Variants in KCNK10 observed in about 807,000 individuals in gnomAD.
The protein encoded by KCNK10 is potassium two pore domain channel subfamily K member 10.
Under a neutral mutation model 47.7 loss-of-function variants are expected in KCNK10, and 25 were observed. That is an observed-to-expected ratio of 0.52 (90% confidence interval 0.38 to 0.73). The LOEUF (loss-of-function observed/expected upper bound fraction) is 0.73, where lower values mean the gene tolerates loss of function less well. Among genes scored for constraint, KCNK10 ranks in the 30% least tolerant of loss-of-function variants. The pLI is 0.00. For missense variants in KCNK10, 563 were observed against 714.5 expected (o/e 0.79, Z 2.42); for synonymous variants, 303 against 285.6 (o/e 1.06, Z -0.61).
At position 88,185,836 on chromosome 14, in the gene KCNK10, G is replaced by A. The variant is rs774640874; in HGVS notation, c.1331C>T (p.Ser444Phe). 47 of 1,614,168 alleles carry A rather than the reference G, an allele frequency of 2.9e-5. No homozygotes were observed. Among genetic ancestry groups the A allele is most frequent in the Non-Finnish European group, 4.0e-5 (47 of 1,180,038 alleles). ...GAACTTGTTGATGATGTTGTCCTCG[G>A]ACGCACCCTGCCCATGCTTGTTCAG... ...EQLNKHGQGASEDNIINKFGS... is the reference protein window; with the variant it reads ...EQLNKHGQGAFEDNIINKFGS... The change falls in exon 7 of 7, where the codon TCC becomes TTC. Residue 444 changes from serine to phenylalanine, a missense_variant. Physicochemically the swap from Ser to Phe is radical, Grantham distance 155. Coordinates refer to ENST00000319231, the MANE Select transcript of KCNK10 (RefSeq NM_138317.3). This position sits in a 1 kb window ranked among gnomAD's most constrained non-coding sequence, Gnocchi z 4.3.
chr14:88,270,365 A>C (rs1887374114), intron 1 of KCNK10, among the ~76,000 whole-genome samples: 1 of 151,424 alleles, frequency 6.6e-6, no homozygotes, highest in Admixed American at 6.6e-5. Context: ...CTCTGGTTCC[A>C]GATACCCAAA....
At chr14:88,266,457 G>A (rs964299786) in intron 1 of KCNK10, among the ~76,000 whole-genome samples, 3 of 152,130 alleles carry the variant, frequency 2.0e-5, no homozygotes, top group Non-Finnish European at 2.9e-5. Context: ...TTCCAGGCAG[G>A]CCCAGCGTGC....
At chr14:88,317,683 C>T (rs910247439) in intron 1 of KCNK10, among the ~76,000 whole-genome samples, 12 of 152,200 alleles carry the variant, frequency 7.9e-5, no homozygotes, top group African/African-American at 2.9e-4. Flanking sequence ...ATCATTTATC[C>T]TTTCTACATC....
chr14:88,294,985 T>C (rs745509155), intron 1 of KCNK10, among the ~76,000 whole-genome samples: 14 of 152,350 alleles, frequency 9.2e-5, no homozygotes, highest in Middle Eastern at 3.4e-3. Context: ...CATCTATTTG[T>C]TCTTATACTG....
At chr14:88,320,268 G>T (rs1371800600) in intron 1 of KCNK10, among the ~76,000 whole-genome samples, 1 of 152,178 alleles carries the variant, frequency 6.6e-6, no homozygotes, top group South Asian at 2.1e-4. Flanking sequence ...TTTTATTGAG[G>T]TTTTTTTCAT....
chr14:88,203,652 T>C (rs1885172572), intron 4 of KCNK10, among the ~76,000 whole-genome samples: 1 of 152,228 alleles, frequency 6.6e-6, no homozygotes, highest in Non-Finnish European at 1.5e-5. Flanking sequence ...TTCCTGAGAA[T>C]CTAGTGTTAC....
At chr14:88,323,271 G>A (rs1190575245), upstream of KCNK10, 13 of 985,978 alleles carry the variant, frequency 1.3e-5, no homozygotes, top group Non-Finnish European at 1.3e-5. Flanking sequence ...CGCGCGCTTG[G>A]GCGGGCACGT....
chr14:88,227,505 C>T lies in KCNK10; in HGVS notation c.551G>A (p.Gly184Glu). 6.2e-7 allele frequency: 1 copy of T among 1,611,934 alleles called. No individual in the cohort carries two copies. The highest frequency in any genetic ancestry group is 8.5e-7 in the Non-Finnish European group (1 of 1,179,282). The change falls in exon 4 of 7, where the codon GGA becomes GAA. Residue 184 changes from glycine (G) to glutamate (E), a missense_variant. Coordinates refer to ENST00000319231, the MANE Select transcript of KCNK10 (RefSeq NM_138317.3). ...GYGNIAPSTE[G>E]GKIFCILYAI... The stretch of plus-strand genomic sequence containing the variant: ...ATATAAAATACAAAAGATTTTGCCT[C>T]CTTCAGTGCTCGGAGCAATATTCCC...
chr14:88,323,083 A>T lies in KCNK10; in HGVS notation c.-285T>A. 5 of 1,260,598 alleles carry T rather than the reference A, an allele frequency of 4.0e-6. No individual in the cohort carries two copies. The allele number at this position is 1,260,598 out of a possible 1,614,324, so 78.1% of individuals were successfully genotyped here. A position where few individuals can be genotyped will look rare whatever the true frequency, so the allele number is the denominator to read the frequency against. On this transcript the variant is annotated 5_prime_UTR_variant, in exon 1 of 7. Transcript: ENST00000319231. ...GCGAGGGGTGGATGAAAGGATGGAG[A>T]GGAAGGCTTGGGGAGATGGAAGAGC...
chr14:88,223,833 G>T (rs1885898597), intron 4 of KCNK10, among the ~76,000 whole-genome samples: 2 of 151,904 alleles, frequency 1.3e-5, no homozygotes, highest in African/African-American at 4.8e-5. Flanking sequence ...TTCACTTTTG[G>T]TTCTTTCTTT....
intron 1 of KCNK10, among the ~76,000 whole-genome samples, chr14:88,289,836 T>A (rs1384226333): frequency 6.6e-6 from 1 of 152,218 alleles, no homozygotes; most frequent in African/African-American, 2.4e-5. Flanking sequence ...TCACTTGAAG[T>A]GCCTGGCACA....
chr14:88,280,745 T>C (rs1045818744), intron 1 of KCNK10, among the ~76,000 whole-genome samples: 1 of 152,106 alleles, frequency 6.6e-6, no homozygotes, highest in African/African-American at 2.4e-5. Flanking sequence ...ACCGCCAAAA[T>C]AGACCTGCAA....
At chr14:88,259,062 A>G (rs908004440) in intron 2 of KCNK10, among the ~76,000 whole-genome samples, 2 of 152,236 alleles carry the variant, frequency 1.3e-5, no homozygotes, top group Non-Finnish European at 2.9e-5. Context: ...CAATAGTACT[A>G]TCTTTCCAAC....
At chr14:88,288,533 T>C (rs768667864) in intron 1 of KCNK10, among the ~76,000 whole-genome samples, 11 of 152,218 alleles carry the variant, frequency 7.2e-5, no homozygotes, top group Admixed American at 1.3e-4. Flanking sequence ...TTAGCCATTG[T>C]TGTTTCTGCA....
intron 1 of KCNK10, chr14:88,270,809 T>C (rs751249403): frequency 1.4e-5 from 11 of 780,934 alleles, no homozygotes; most frequent in East Asian, 2.4e-5. Flanking sequence ...ATGTACATGG[T>C]GTGTCACTCT....
chr14:88,185,703 C>G lies in KCNK10; in HGVS notation c.1464G>C (p.Glu488Asp), dbSNP rs780331390. Residue 488 changes from glutamate (E) to aspartate (D), a missense_variant, in exon 7 of 7, where the codon GAG (glutamate) becomes GAC (aspartate). By Grantham distance (45) the Glu-to-Asp change is conservative (BLOSUM62 2). Transcript: ENST00000319231. This position sits in a 1 kb window ranked among gnomAD's most constrained non-coding sequence, Gnocchi z 4.3. ...YKTFRNYSLD[E>D]EKKEEETEKM... is the part of the protein sequence containing the mutation. The stretch of plus-strand genomic sequence containing the variant: ...TTTCCGTCTCCTCCTCTTTCTTCTC[C>G]TCGTCCAGGGAGTAATTCCGGAAGG... 26 of 1,614,082 alleles carry G rather than the reference C, an allele frequency of 1.6e-5. No individual in the cohort carries two copies. Among genetic ancestry groups the G allele is most frequent in the Non-Finnish European group, 1.9e-5 (23 of 1,180,056 alleles).
intron 4 of KCNK10, among the ~76,000 whole-genome samples, chr14:88,195,730 C>T (rs1884890421): frequency 1.3e-5 from 2 of 152,152 alleles, no homozygotes. Context: ...GCCACCTCCC[C>T]GTCCCATTTT....
At chr14:88,228,563 A>C (rs1378938498) in intron 3 of KCNK10, among the ~76,000 whole-genome samples, 1 of 152,202 alleles carries the variant, frequency 6.6e-6, no homozygotes, top group African/African-American at 2.4e-5. Flanking sequence ...ATCTGGGTAA[A>C]TCATGTGGGG....
intron 1 of KCNK10, among the ~76,000 whole-genome samples, chr14:88,295,620 A>G (rs1479988818): frequency 1.3e-5 from 2 of 152,156 alleles, no homozygotes; most frequent in Non-Finnish European, 2.9e-5. Context: ...GGATCGTGCC[A>G]TTGTACTCCA....
Sources: gnomAD v4.1 joint callset for allele counts (sites outside exome capture counted in the v4.1 genomes callset) on GRCh38, gnomAD v4.1.1 for gene constraint, Gnocchi (gnomAD v3.1) non-coding constraint, MANE v1.5 for transcripts, NCBI Gene and HGNC (gene_info 2026-07-23, HGNC 2026-07-21) for gene names.